The following SGCZ variants were observed in gnomAD, a reference collection of about 807,000 sequenced individuals.
The protein encoded by SGCZ is sarcoglycan zeta.
In SGCZ, 40 loss-of-function variants were observed where a neutral mutation model predicts 41.3. The ratio of observed to expected loss-of-function variants is 0.97; its 90% CI spans 0.75 to 1.26. The LOEUF is 1.26. Among genes scored for constraint, SGCZ ranks in the 50% most tolerant of loss-of-function variants. The pLI, the probability that SGCZ is intolerant of heterozygous loss-of-function variation, is 0.00. For synonymous variants in SGCZ, 206 were observed against 137.5 expected (o/e 1.50, Z -3.49); for missense variants, 552 against 369.8 (o/e 1.49, Z -4.04).
At chr8:15,234,324 C>A (rs988363329) in intron 1 of SGCZ, among the ~76,000 whole-genome samples, 3 of 152,170 alleles carry the variant, frequency 2.0e-5, no homozygotes, top group African/African-American at 7.2e-5. Context: ...TTCATTAACA[C>A]CCACATTTCC....
intron 1 of SGCZ, among the ~76,000 whole-genome samples, chr8:15,237,257 C>CCA (rs1321181604): frequency 1.3e-5 from 2 of 152,006 alleles, no homozygotes; most frequent in African/African-American, 4.8e-5. Flanking sequence ...CCGCTGCCCC[C>CCA]CCCGGGGAGA....
intron 4 of SGCZ, among the ~76,000 whole-genome samples, chr8:14,193,036 G>T (rs892236124): frequency 2.6e-5 from 4 of 151,782 alleles, no homozygotes; most frequent in Admixed American, 1.3e-4. Flanking sequence ...GGCAGAATGG[G>T]ATACTTTTCC....
At chr8:14,400,371 T>C (rs78951363) in intron 2 of SGCZ, among the ~76,000 whole-genome samples, 6,135 of 152,208 alleles carry the variant, frequency 0.04, 387 homozygotes, top group African/African-American at 0.14. Context: ...CTTTGGTAGA[T>C]AGAACATTTA....
chr8:14,905,700 G>C (rs1429526710), intron 1 of SGCZ, among the ~76,000 whole-genome samples: 1 of 151,948 alleles, frequency 6.6e-6, no homozygotes, highest in Non-Finnish European at 1.5e-5. Context: ...GAATACGTAA[G>C]TGAAGATATA....
At chr8:14,805,676 CAG>C (rs1247428244) in intron 1 of SGCZ, among the ~76,000 whole-genome samples, 3 of 151,472 alleles carry the variant, frequency 2.0e-5, no homozygotes, top group Non-Finnish European at 2.9e-5. Context: ...ATCAACGAGA[CAG>C]AAAGTCACCA....
At chr8:14,201,880 A>T (rs549471976) in intron 4 of SGCZ, among the ~76,000 whole-genome samples, 1 of 152,284 alleles carries the variant, frequency 6.6e-6, no homozygotes, top group East Asian at 1.9e-4. Flanking sequence ...ATAACAACAA[A>T]ACTGTTAGGT....
At chr8:14,105,569 C>CAAAT (rs1802179350) in intron 6 of SGCZ, among the ~76,000 whole-genome samples, 1 of 151,924 alleles carries the variant, frequency 6.6e-6, no homozygotes, top group South Asian at 2.1e-4. Context: ...TTTCATTATA[C>CAAAT]AAATAAATAA....
chr8:14,525,414 A>G (rs947838838), intron 2 of SGCZ, among the ~76,000 whole-genome samples: 2 of 152,138 alleles, frequency 1.3e-5, no homozygotes, highest in African/African-American at 4.8e-5. Flanking sequence ...ATTTCTTTTA[A>G]AAAAGATTAT....
At chr8:14,230,567 C>G (rs4442149) in intron 4 of SGCZ, among the ~76,000 whole-genome samples, 2 of 151,810 alleles carry the variant, frequency 1.3e-5, no homozygotes, top group Non-Finnish European at 2.9e-5. Flanking sequence ...GTGAAGTATA[C>G]GTCCTTCCTA....
chr8:15,110,959 A>C lies in SGCZ; in HGVS notation c.39+126626T>G, dbSNP rs191266426. On this transcript the variant is annotated intron_variant, in intron 1 of 7. Transcript: ENST00000382080. ...CTCCAGTCTGGGCAAAAAAAAGTGA[A>C]ACTCCATCTCAAAAAGAAAAAAGAA... Among the ~76,000 whole-genome samples, 37 of 152,254 alleles carry C rather than the reference A, an allele frequency of 2.4e-4. No individual in the cohort carries two copies. In the East Asian group the frequency reaches 7.2e-3, roughly 29 times the overall value.
chr8:14,661,185 C>T (rs1314605678), intron 1 of SGCZ, among the ~76,000 whole-genome samples: 2 of 151,920 alleles, frequency 1.3e-5, no homozygotes, highest in Non-Finnish European at 1.5e-5. Flanking sequence ...TTTGTGCCCC[C>T]CGATGGACAA....
intron 1 of SGCZ, among the ~76,000 whole-genome samples, chr8:15,042,996 T>C (rs1462129161): frequency 1.3e-5 from 2 of 152,176 alleles, no homozygotes; most frequent in African/African-American, 4.8e-5. Flanking sequence ...CATGATTAGC[T>C]ATTTTGTTAT....
intron 1 of SGCZ, among the ~76,000 whole-genome samples, chr8:15,236,302 C>T (rs1479824293): frequency 6.6e-6 from 1 of 152,208 alleles, no homozygotes; most frequent in Non-Finnish European, 1.5e-5. Context: ...TGCGTGCCCC[C>T]TGGCCAGGGC....
intron 5 of SGCZ, among the ~76,000 whole-genome samples, chr8:14,117,260 A>G (rs1358402093): frequency 6.6e-6 from 1 of 151,996 alleles, no homozygotes; most frequent in African/African-American, 2.4e-5. Context: ...TATAATCCAG[A>G]TATGTGCTTT....
In SGCZ at chr8:15,035,507, T is replaced by C. The variant is rs181706715; in HGVS notation, c.39+202078A>G. On this transcript the variant is annotated intron_variant, in intron 1 of 7. Transcript: ENST00000382080. Reference sequence around the variant, plus strand: ...GTTGTAAATCGTTACCTATAAATATTTGCCTTAAATGTAACTGGATTGTAT... The same window carrying C: ...GTTGTAAATCGTTACCTATAAATATCTGCCTTAAATGTAACTGGATTGTAT... Among the ~76,000 whole-genome samples, 27 of 152,226 alleles carry C rather than the reference T, an allele frequency of 1.8e-4. No homozygotes were observed. The East Asian group carries it at 2.5e-3, about 14-fold the overall frequency.
intron 2 of SGCZ, among the ~76,000 whole-genome samples, chr8:14,435,983 G>A (rs80068410): frequency 6.6e-6 from 1 of 152,188 alleles, no homozygotes; most frequent in South Asian, 2.1e-4. Context: ...CCTAGGACCA[G>A]CTAGGTATGG....
At position 15,237,761 on chromosome 8, in the gene SGCZ, C is replaced by A; in HGVS notation, c.-138G>T. On this transcript the variant is annotated 5_prime_UTR_variant, in exon 1 of 8. Transcript: ENST00000382080. Reference sequence around the variant, plus strand: ...TCCTCTCAGTCTCATTCTCCGTGGTCACGCCGCCTCCACCGGGTTAAAAAT... The same window carrying A: ...TCCTCTCAGTCTCATTCTCCGTGGTAACGCCGCCTCCACCGGGTTAAAAAT... The A allele has an allele frequency of 2.7e-6, 2 of 730,298 alleles. No homozygotes were observed. The highest frequency in any genetic ancestry group is 1.7e-5 in the South Asian group (1 of 57,290). The allele number at this position is 730,298 out of a possible 1,614,324, so 45.2% of individuals were successfully genotyped here.
chr8:14,943,677 C>T (rs1338066165), intron 1 of SGCZ, among the ~76,000 whole-genome samples: 4 of 152,024 alleles, frequency 2.6e-5, no homozygotes, highest in Non-Finnish European at 5.9e-5. Context: ...TTTCATCACC[C>T]AAGTAAAAAG....
intron 2 of SGCZ, among the ~76,000 whole-genome samples, chr8:14,484,765 A>G (rs763508716): frequency 8.3e-4 from 127 of 152,232 alleles, no homozygotes; most frequent in Admixed American, 8.5e-4. Context: ...ATTCATTAAT[A>G]TGATTCACAT....
Sources: gnomAD v4.1 joint callset for allele counts (sites outside exome capture counted in the v4.1 genomes callset) on GRCh38, gnomAD v4.1.1 for gene constraint, MANE v1.5 for transcripts, NCBI Gene and HGNC (gene_info 2026-07-23, HGNC 2026-07-21) for gene names.